The following NRXN1 variants were observed in gnomAD, a reference collection of about 807,000 sequenced individuals.
NRXN1 encodes the protein neurexin 1, also known as neurexin-1.
Under a neutral mutation model 150.9 loss-of-function variants are expected in NRXN1, and 39 were observed. The ratio of observed to expected loss-of-function variants is 0.26; its 90% CI spans 0.20 to 0.34. The LOEUF is 0.34. NRXN1 is among the 10% of genes least tolerant of loss of function. NRXN1 has a pLI of 1.00. For missense variants in NRXN1, 1,815 were observed against 1,949.9 expected (o/e 0.93, Z 1.30); for synonymous variants, 924 against 757.0 (o/e 1.22, Z -3.62).
intron 17 of NRXN1, among the ~76,000 whole-genome samples, chr2:50,404,623 G>A (rs2082623806): frequency 6.6e-6 from 1 of 152,062 alleles, no homozygotes; most frequent in Non-Finnish European, 1.5e-5. Context: ...AGCTACACAG[G>A]TAATATCCTT....
chr2:50,240,121 C>T (rs2065879154), intron 17 of NRXN1, among the ~76,000 whole-genome samples: 1 of 151,548 alleles, frequency 6.6e-6, no homozygotes, highest in South Asian at 2.1e-4. Context: ...TTCAATGAAT[C>T]TAAAACTTGA....
chr2:50,899,294 A>G (rs1359748464), intron 5 of NRXN1, among the ~76,000 whole-genome samples: 2 of 152,170 alleles, frequency 1.3e-5, no homozygotes, highest in African/African-American at 2.4e-5. Flanking sequence ...AATGCAGTAC[A>G]ATTGAAAACG....
intron 5 of NRXN1, among the ~76,000 whole-genome samples, chr2:50,736,764 A>G (rs1172651909): frequency 1.3e-5 from 2 of 152,020 alleles, no homozygotes; most frequent in Admixed American, 1.3e-4. Context: ...TTTCTTTATA[A>G]ATTACCCAGT....
intron 21 of NRXN1, among the ~76,000 whole-genome samples, chr2:50,046,803 C>T (rs970571175): frequency 6.6e-6 from 1 of 152,176 alleles, no homozygotes. Context: ...CACAAGCTTT[C>T]AGACCTTAGA....
At position 51,027,486 on chromosome 2, in the gene NRXN1, G is replaced by C. The variant is rs1038056478; in HGVS notation, c.772+16C>G. The stretch of plus-strand genomic sequence containing the variant: ...GCCCAGGCCCCGGCCCCCGTGGGTC[G>C]GGCGTCGGGCCTTACCTTGGCTGCA... On this transcript the variant is annotated intron_variant, in intron 2 of 22. Coordinates refer to ENST00000401669, the MANE Select transcript of NRXN1 (RefSeq NM_001330078.2). 12 of 1,495,292 alleles carry C rather than the reference G, an allele frequency of 8.0e-6. No individual in the cohort carries two copies. The highest frequency in any genetic ancestry group is 2.8e-5 in the African/African-American group (2 of 70,776). 92.6% of individuals were successfully genotyped at this position (1,495,292 alleles called of 1,614,324 possible). A position where few individuals can be genotyped will look rare whatever the true frequency, so the allele number is the denominator to read the frequency against.
At chr2:50,339,215 A>AT (rs1278753233) in intron 17 of NRXN1, among the ~76,000 whole-genome samples, 1 of 152,000 alleles carries the variant, frequency 6.6e-6, no homozygotes, top group Non-Finnish European at 1.5e-5. Flanking sequence ...CAATCTGTTA[A>AT]TTTTTTTTCT....
chr2:50,035,532 C>G (rs1224534516), intron 21 of NRXN1, among the ~76,000 whole-genome samples: 1 of 152,108 alleles, frequency 6.6e-6, no homozygotes, highest in Non-Finnish European at 1.5e-5. Context: ...AGATAATATT[C>G]TTATCCTCAG....
intron 17 of NRXN1, among the ~76,000 whole-genome samples, chr2:50,343,463 A>AG (rs1307740326): frequency 6.8e-6 from 1 of 146,400 alleles, no homozygotes; most frequent in Non-Finnish European, 1.5e-5. Context: ...CTATTTAACT[A>AG]GAAAAAAAAA....
At chr2:50,226,575 G>A (rs539483039) in intron 18 of NRXN1, among the ~76,000 whole-genome samples, 46 of 151,918 alleles carry the variant, frequency 3.0e-4, no homozygotes, top group Non-Finnish European at 6.3e-4. Context: ...GTGAATGTGT[G>A]TGAGGTAGAA....
intron 18 of NRXN1, among the ~76,000 whole-genome samples, chr2:50,229,689 C>T (rs1375572525): frequency 6.6e-6 from 1 of 151,998 alleles, no homozygotes; most frequent in African/African-American, 2.4e-5. Flanking sequence ...TAAATGTTTG[C>T]TCTTTTAAGC....
chr2:49,922,005 G>T lies in NRXN1; in HGVS notation c.4463C>A (p.Pro1488His), dbSNP rs941096154. ...TTTGTTGGAGCTTTTCGCACTGCTG[G>T]GTTGTTTCTCCTTTACAACAGCCCC... ...SNGAVVKEKQ[P>H]SSAKSSNKNK... The change falls in exon 23 of 23, where the codon CCC becomes CAC. Residue 1488 changes from proline to histidine, a missense_variant. Transcript: ENST00000401669. 1.9e-6 allele frequency: 3 copies of T among 1,614,062 alleles called. No homozygotes were observed. Among genetic ancestry groups the T allele is most frequent in the Non-Finnish European group, 2.5e-6 (3 of 1,180,010 alleles).
chr2:50,191,887 G>C (rs953371593), intron 18 of NRXN1, among the ~76,000 whole-genome samples: 13 of 152,030 alleles, frequency 8.6e-5, no homozygotes, highest in African/African-American at 3.1e-4. Context: ...ACAAATTTTT[G>C]TTTGTGTTTC....
chr2:50,724,457 T>C (rs576669870), intron 5 of NRXN1, among the ~76,000 whole-genome samples: 6 of 152,236 alleles, frequency 3.9e-5, no homozygotes, highest in African/African-American at 1.4e-4. Context: ...TAATCCATGA[T>C]TCAAAATTGT....
intron 2 of NRXN1, among the ~76,000 whole-genome samples, chr2:51,010,699 T>C (rs1364427093): frequency 1.3e-5 from 2 of 152,006 alleles, no homozygotes; most frequent in Non-Finnish European, 2.9e-5. Flanking sequence ...AAAAGAACTA[T>C]AATAATACAC....
At chr2:50,135,214 ACTAG>A (rs2152751921) in intron 18 of NRXN1, among the ~76,000 whole-genome samples, 1 of 152,316 alleles carries the variant, frequency 6.6e-6, no homozygotes, top group Non-Finnish European at 1.5e-5. Flanking sequence ...GAGGCACTCT[ACTAG>A]ATGCTGGGCA....
chr2:50,301,589 C>G (rs1175144254), intron 17 of NRXN1, among the ~76,000 whole-genome samples: 1 of 152,112 alleles, frequency 6.6e-6, no homozygotes, highest in Non-Finnish European at 1.5e-5. Flanking sequence ...GAAAAGTCAT[C>G]AATTTAGATG....
chr2:50,092,547 T>C (rs900883259), intron 18 of NRXN1, among the ~76,000 whole-genome samples: 31 of 152,164 alleles, frequency 2.0e-4, no homozygotes, highest in Non-Finnish European at 4.0e-4. Flanking sequence ...ACACAGTCCA[T>C]CCTTTCCTGT....
At chr2:50,515,152 G>C (rs189292754) in intron 12 of NRXN1, among the ~76,000 whole-genome samples, 1 of 152,094 alleles carries the variant, frequency 6.6e-6, no homozygotes, top group African/African-American at 2.4e-5. Flanking sequence ...AGTGACAACC[G>C]ATTCTCACAG....
In NRXN1 at chr2:50,236,974, G is replaced by A. The variant is rs2152879561; in HGVS notation, c.3365-4C>T. 1 of 1,612,806 alleles carries A rather than the reference G, an allele frequency of 6.2e-7. No individual in the cohort carries two copies. Among genetic ancestry groups the A allele is most frequent in the Non-Finnish European group, 8.5e-7 (1 of 1,179,338 alleles). On this transcript the variant is annotated splice_polypyrimidine_tract_variant and splice_region_variant and intron_variant, in intron 17 of 22. Transcript: ENST00000401669. Reference sequence around the variant, plus strand: ...CTAAAGATATATGTCGTCCCAGCTGGAAAACAAAAACCAAAACCAATTAGT... The same window carrying A: ...CTAAAGATATATGTCGTCCCAGCTGAAAAACAAAAACCAAAACCAATTAGT...
Sources: allele counts gnomAD v4.1 joint callset (sites outside exome capture counted in the v4.1 genomes callset), GRCh38; gene constraint gnomAD v4.1.1; transcripts MANE v1.5; gene names NCBI Gene and HGNC (gene_info 2026-07-23, HGNC 2026-07-21).